MAF: variants seen among roughly 807,000 people sequenced by gnomAD.
MAF encodes the protein transcription factor Maf.
In MAF, 10 loss-of-function variants were observed where a neutral mutation model predicts 22.0. The observed-to-expected ratio is 0.45, with a 90% CI of 0.28 to 0.77. The LOEUF is 0.77. Ranked by LOEUF, MAF falls within the 30% of genes least tolerant of loss-of-function variation. The pLI is 0.12. For missense variants in MAF, 544 were observed against 548.4 expected (o/e 0.99, Z 0.08); for synonymous variants, 337 against 255.8 (o/e 1.32, Z -3.03).
chr16:79,593,626 T>A (rs1040368576), downstream of MAF, among the ~76,000 whole-genome samples: 13 of 152,258 alleles, frequency 8.5e-5, no homozygotes, highest in Non-Finnish European at 1.5e-4. Context: ...GAGGAAATGA[T>A]GTCTCCGTAG....
At chr16:79,566,296 G>T in the MAF span, among the ~76,000 whole-genome samples, 1 of 152,154 alleles carries the variant, frequency 6.6e-6, no homozygotes, top group Non-Finnish European at 1.5e-5. Flanking sequence ...AGACCAATGT[G>T]GGACAGATTA....
chr16:79,465,485 C>T, the MAF span, among the ~76,000 whole-genome samples: 3 of 151,912 alleles, frequency 2.0e-5, no homozygotes, highest in Non-Finnish European at 2.9e-5. Context: ...CCCGGCTACT[C>T]GGGAGGCTGA....
At chr16:79,587,782 G>T (rs909288717) in intron 1 of MAF, among the ~76,000 whole-genome samples, 1 of 148,706 alleles carries the variant, frequency 6.7e-6, no homozygotes, top group Admixed American at 6.8e-5. Flanking sequence ...GTCCTTTTTA[G>T]ATCATTGGTG....
chr16:79,224,680 A>G, the MAF span, among the ~76,000 whole-genome samples: 1 of 152,276 alleles, frequency 6.6e-6, no homozygotes, highest in Non-Finnish European at 1.5e-5. Flanking sequence ...TACAAAATCC[A>G]TGTGCAAAAA....
the MAF span, among the ~76,000 whole-genome samples, chr16:79,377,209 C>T: frequency 6.6e-6 from 1 of 152,100 alleles, no homozygotes; most frequent in African/African-American, 2.4e-5. Flanking sequence ...TTTTAATGAT[C>T]CCCATTCTAA....
At chr16:79,503,056 G>A in the MAF span, among the ~76,000 whole-genome samples, 1 of 152,046 alleles carries the variant, frequency 6.6e-6, no homozygotes, top group Admixed American at 6.5e-5. Flanking sequence ...TAGTAGCATT[G>A]CAGGAGAGCC....
chr16:79,303,885 C>T, the MAF span, among the ~76,000 whole-genome samples: 5 of 152,092 alleles, frequency 3.3e-5, no homozygotes, highest in African/African-American at 4.8e-5. Flanking sequence ...GTCAAATCAA[C>T]TTATGTCATG....
At chr16:79,262,203 G>A in the MAF span, among the ~76,000 whole-genome samples, 1 of 152,124 alleles carries the variant, frequency 6.6e-6, no homozygotes, top group African/African-American at 2.4e-5. Flanking sequence ...TGCAGATGAG[G>A]CCTCAGAGGT....
At chr16:79,485,771 C>T in the MAF span, among the ~76,000 whole-genome samples, 1 of 152,132 alleles carries the variant, frequency 6.6e-6, no homozygotes, top group East Asian at 1.9e-4. Flanking sequence ...TTTAATACAA[C>T]TAAAAGCAGC....
chr16:79,396,041 T>C, the MAF span, among the ~76,000 whole-genome samples: 1 of 152,328 alleles, frequency 6.6e-6, no homozygotes, highest in South Asian at 2.1e-4. Flanking sequence ...TTGGAGATAC[T>C]GGTCATTTTC....
chr16:79,207,932 C>T, the MAF span, among the ~76,000 whole-genome samples: 1 of 152,138 alleles, frequency 6.6e-6, no homozygotes, highest in Non-Finnish European at 1.5e-5. Context: ...AAAGCAGCTA[C>T]TTAACATTTT....
chr16:79,408,571 A>C, the MAF span, among the ~76,000 whole-genome samples: 3 of 150,492 alleles, frequency 2.0e-5, no homozygotes, highest in African/African-American at 7.3e-5. Context: ...TGGAACTAAT[A>C]ATCTGTCATA....
chr16:79,556,748 A>T, the MAF span, among the ~76,000 whole-genome samples: 4 of 152,176 alleles, frequency 2.6e-5, no homozygotes, highest in Non-Finnish European at 5.9e-5. Context: ...AAGTTAGATA[A>T]TCTCTCTATG....
the MAF span, among the ~76,000 whole-genome samples, chr16:79,333,631 T>C: frequency 2.0e-5 from 3 of 152,244 alleles, no homozygotes; most frequent in African/African-American, 4.8e-5. Context: ...GGAATCTTTA[T>C]GCGTAATGAT....
chr16:79,343,850 A>T, the MAF span, among the ~76,000 whole-genome samples: 1 of 151,976 alleles, frequency 6.6e-6, no homozygotes, highest in Non-Finnish European at 1.5e-5. Context: ...TCCCCTGCAC[A>T]CTCTGTTTTT....
chr16:79,515,210 A>G, the MAF span, among the ~76,000 whole-genome samples: 1 of 152,152 alleles, frequency 6.6e-6, no homozygotes, highest in African/African-American at 2.4e-5. Context: ...ATCCACTTAG[A>G]CTTCAACGCT....
At chr16:79,377,517 A>G in the MAF span, among the ~76,000 whole-genome samples, 1 of 152,018 alleles carries the variant, frequency 6.6e-6, no homozygotes, top group Admixed American at 6.6e-5. Flanking sequence ...GCTGTGCAGG[A>G]GCTCTTTCGT....
the MAF span, among the ~76,000 whole-genome samples, chr16:79,263,903 C>G: frequency 6.6e-6 from 1 of 152,016 alleles, no homozygotes; most frequent in Non-Finnish European, 1.5e-5. Context: ...GTCCCACATC[C>G]CTTAATCCCT....
chr16:79,463,513 G>A, the MAF span, among the ~76,000 whole-genome samples: 1 of 152,082 alleles, frequency 6.6e-6, no homozygotes, highest in African/African-American at 2.4e-5. Flanking sequence ...ATATAATCCA[G>A]CCACCACAGC....
Sources: allele counts gnomAD v4.1 joint callset (sites outside exome capture counted in the v4.1 genomes callset), GRCh38; gene constraint gnomAD v4.1.1; transcripts MANE v1.5; gene names NCBI Gene and HGNC (gene_info 2026-07-23, HGNC 2026-07-21).